The following CPSF6 variants were observed in gnomAD, a reference collection of about 807,000 sequenced individuals.
The protein encoded by CPSF6 is cleavage and polyadenylation specific factor 6.
Under a neutral mutation model 56.7 loss-of-function variants are expected in CPSF6, and 10 were observed. That is an observed-to-expected ratio of 0.18 (90% CI 0.11 to 0.30). CPSF6 has a LOEUF of 0.30. CPSF6 is among the 10% of genes least tolerant of loss of function. The pLI is 1.00. For missense variants in CPSF6, 419 were observed against 722.9 expected, an observed-to-expected ratio of 0.58 and a Z score of 4.82; for synonymous variants, 248 against 244.8, an observed-to-expected ratio of 1.01 and a Z score of -0.12.
rs553624781 is a variant in CPSF6, at chr12:69,266,564, T to G, written c.*4-2948T>G. ...CATTGTTTTAGTTTGTAAAATAGATTGTTTTGAGTAAATTCTGTCTTGAAT... is the reference window on the plus strand; with the variant it reads ...CATTGTTTTAGTTTGTAAAATAGATGGTTTTGAGTAAATTCTGTCTTGAAT... On this transcript the variant is annotated intron_variant, in intron 9 of 9. Transcript: ENST00000435070. Among the ~76,000 whole-genome samples the G allele has an allele frequency of 5.3e-5, 8 of 152,312 alleles. No homozygotes were observed. In the East Asian group the frequency reaches 1.5e-3, roughly 29 times the overall value.
intron 2 of CPSF6, chr12:69,251,971 T>C (rs1872263681): frequency 4.4e-6 from 2 of 454,314 alleles, no homozygotes; most frequent in South Asian, 1.6e-5. Flanking sequence ...CTTAGTTATA[T>C]GTATACTTGA....
Position 69,259,314 on chromosome 12 carries a change from C to G in CPSF6, c.1200-114C>G, listed in dbSNP as rs567399947. On this transcript the variant is annotated intron_variant, in intron 6 of 9. Transcript: ENST00000435070. The stretch of plus-strand genomic sequence containing the variant: ...AGCATGCTTCAATATGGAAAAGTAA[C>G]TACTATCTCTAAAGCACATGTCAGA... 9.6e-6 allele frequency: 13 copies of G among 1,360,814 alleles called. No homozygotes were observed. The South Asian group carries it at 1.9e-4, about 20-fold the overall frequency. 84.3% of individuals were successfully genotyped at this position (1,360,814 alleles called of 1,614,324 possible). A position where few individuals can be genotyped will look rare whatever the true frequency, so the allele number is the denominator to read the frequency against.
At chr12:69,244,729 T>G (rs1396416844) in intron 1 of CPSF6, among the ~76,000 whole-genome samples, 1 of 151,594 alleles carries the variant, frequency 6.6e-6, no homozygotes, top group Non-Finnish European at 1.5e-5. Context: ...AAAACTAAGA[T>G]ATACACACAT....
chr12:69,239,857 C>G (rs1174361458), intron 1 of CPSF6, 151 bp downstream of exon 1: 11 of 630,544 alleles, frequency 1.7e-5, no homozygotes, highest in Non-Finnish European at 2.0e-5. Context: ...GGCGTGGCGC[C>G]CCCCCGCCCC....
At chr12:69,244,762 A>G (rs1439753469) in intron 1 of CPSF6, among the ~76,000 whole-genome samples, 2 of 151,976 alleles carry the variant, frequency 1.3e-5, no homozygotes, top group Admixed American at 6.6e-5. Context: ...GCACAGGGTC[A>G]GGATTATCAA....
Position 69,250,831 on chromosome 12 carries a change from G to A in CPSF6, c.61-298G>A, listed in dbSNP as rs138575451. Among the ~76,000 whole-genome samples, 334 of 152,108 alleles carry A rather than the reference G, an allele frequency of 2.2e-3. 2 individuals are homozygous for A. Among genetic ancestry groups the A allele is most frequent in the African/African-American group, 7.4e-3 (306 of 41,516 alleles). ...CTGGCTAATTTTTGTATGTTTAGTA[G>A]AGACAGGGCTTCATCATGTTGGCTA... On this transcript the variant is annotated intron_variant, in intron 1 of 9. Transcript: ENST00000435070.
At chr12:69,253,457 C>T (rs954852912) in intron 3 of CPSF6, among the ~76,000 whole-genome samples, 1 of 152,106 alleles carries the variant, frequency 6.6e-6, no homozygotes, top group Non-Finnish European at 1.5e-5. Context: ...AACCATTACT[C>T]TCCCTGTGAT....
chr12:69,269,076 A>T (rs1873128326), intron 9 of CPSF6, among the ~76,000 whole-genome samples: 2 of 151,896 alleles, frequency 1.3e-5, no homozygotes, highest in South Asian at 4.1e-4. Flanking sequence ...TTTGCATTTT[A>T]TATTTAGTTC....
chr12:69,249,503 C>A (rs1444247098), intron 1 of CPSF6, among the ~76,000 whole-genome samples: 1 of 151,970 alleles, frequency 6.6e-6, no homozygotes, highest in Non-Finnish European at 1.5e-5. Flanking sequence ...TTGTATAATT[C>A]TTTAGTAAAT....
intron 9 of CPSF6, 120 bp from the exon 10 acceptor site, chr12:69,269,392 G>T (rs1873143270): frequency 3.0e-6 from 1 of 336,092 alleles, no homozygotes; most frequent in African/African-American, 2.2e-5. Flanking sequence ...TTCTTATTTT[G>T]TGTTAGAATA....
Position 69,239,692 on chromosome 12 carries a change from G to A in CPSF6, c.46G>A (p.Glu16Lys). 6.3e-7 allele frequency: 1 copy of A among 1,591,160 alleles called. No individual in the cohort carries two copies. The highest frequency in any genetic ancestry group is 8.5e-7 in the Non-Finnish European group (1 of 1,169,690). Residue 16 changes from glutamate (E) to lysine (K), a missense_variant, in exon 1 of 10, where the codon GAA becomes AAA. Glu to Lys is a moderately conservative substitution (Grantham distance 56). Coordinates refer to ENST00000435070, the MANE Select transcript of CPSF6 (RefSeq NM_007007.3). Reference protein sequence around the residue: ...DHIDIYADVGEEFNQEAEYGG... With the variant: ...DHIDIYADVGKEFNQEAEYGG... ...CATAGACATTTACGCGGATGTCGGC[G>A]AAGAGTTCAACCAGGTACGTGAGAG...
intron 2 of CPSF6, among the ~76,000 whole-genome samples, chr12:69,252,633 A>G (rs1872307555): frequency 6.6e-6 from 1 of 152,228 alleles, no homozygotes. Flanking sequence ...CATAAAGTAT[A>G]TGGTAGATAT....
intron 3 of CPSF6, among the ~76,000 whole-genome samples, chr12:69,254,848 A>C (rs1872430867): frequency 6.6e-6 from 1 of 152,226 alleles, no homozygotes; most frequent in East Asian, 1.9e-4. Flanking sequence ...TCCTGTAACT[A>C]TACGAATTGG....
intron 5 of CPSF6, 79 bp downstream of exon 5, chr12:69,257,984 T>C (rs1355206694): frequency 6.5e-7 from 1 of 1,547,840 alleles, no homozygotes; most frequent in Non-Finnish European, 8.9e-7. Flanking sequence ...TTTCAAGTAA[T>C]GCATTATTAA....
Position 69,259,555 on chromosome 12 carries a change from T to C in CPSF6, c.1315+12T>C. The C allele has an allele frequency of 6.3e-7, 1 of 1,594,784 alleles. No individual in the cohort carries two copies. On this transcript the variant is annotated intron_variant, in intron 7 of 9. Coordinates refer to ENST00000435070, the MANE Select transcript of CPSF6 (RefSeq NM_007007.3). ...TGATGCCAGTGCTGGTTTGTGTATT[T>C]CTTGTATTAATATTTCTTATTTATG...
intron 9 of CPSF6, among the ~76,000 whole-genome samples, chr12:69,265,855 G>A (rs1273188252): frequency 6.6e-6 from 1 of 151,836 alleles, no homozygotes; most frequent in Non-Finnish European, 1.5e-5. Flanking sequence ...ACCCATCTCT[G>A]CCTCCCAAAG....
intron 3 of CPSF6, 55 bp downstream of exon 3, chr12:69,253,209 A>G: frequency 1.1e-6 from 1 of 912,282 alleles, no homozygotes; most frequent in Admixed American, 2.4e-5. Flanking sequence ...CAGTTTTTAC[A>G]AGTTAACTTT....
chr12:69,268,183 CT>C (rs1873082887), intron 9 of CPSF6, among the ~76,000 whole-genome samples: 1 of 151,736 alleles, frequency 6.6e-6, no homozygotes, highest in Non-Finnish European at 1.5e-5. Context: ...CATTTGAAAG[CT>C]GCCATTTTGT....
intron 8 of CPSF6, among the ~76,000 whole-genome samples, chr12:69,261,416 A>G (rs1014670128): frequency 3.9e-5 from 6 of 152,214 alleles, no homozygotes; most frequent in South Asian, 4.1e-4. Context: ...AATTTTAAAA[A>G]TATCTGGGCC....
Sources: allele counts gnomAD v4.1 joint callset (sites outside exome capture counted in the v4.1 genomes callset), GRCh38; gene constraint gnomAD v4.1.1; transcripts MANE v1.5; gene names NCBI Gene and HGNC (gene_info 2026-07-23, HGNC 2026-07-21).